Variants in FBXW8 observed in about 807,000 individuals in gnomAD.
FBXW8 encodes F-box and WD repeat domain containing 8.
A neutral mutation model predicts 65.3 loss-of-function variants in FBXW8; 57 were observed. That is an observed-to-expected ratio of 0.87 (90% CI 0.71 to 1.09). FBXW8 has a LOEUF of 1.09. FBXW8 is among the 50% of genes least tolerant of loss of function. The pLI, the probability that FBXW8 is intolerant of heterozygous loss-of-function variation, is 0.00. For synonymous variants in FBXW8, 308 were observed against 330.2 expected, an observed-to-expected ratio of 0.93 and a Z score of 0.73; for missense variants, 777 against 814.8, an observed-to-expected ratio of 0.95 and a Z score of 0.57.
At chr12:116,992,279 G>A (rs1953260135) in intron 7 of FBXW8, among the ~76,000 whole-genome samples, 1 of 152,102 alleles carries the variant, frequency 6.6e-6, no homozygotes, top group South Asian at 2.1e-4. Context: ...TTTGCTTGTT[G>A]GGCAGGGGCT....
chr12:116,922,234 TC>T (rs1471279336), intron 1 of FBXW8, among the ~76,000 whole-genome samples: 1 of 152,102 alleles, frequency 6.6e-6, no homozygotes, highest in Non-Finnish European at 1.5e-5. Flanking sequence ...CAGACCTTTT[TC>T]CCCCAGCCAA....
intron 7 of FBXW8, among the ~76,000 whole-genome samples, chr12:117,006,036 C>T (rs1156855903): frequency 1.3e-5 from 2 of 152,160 alleles, no homozygotes; most frequent in South Asian, 2.1e-4. Context: ...TTTTAAAATG[C>T]TATTGTCTTG....
intron 5 of FBXW8, among the ~76,000 whole-genome samples, chr12:116,965,970 C>G (rs1278016980): frequency 6.8e-6 from 1 of 147,676 alleles, no homozygotes; most frequent in Non-Finnish European, 1.5e-5. Flanking sequence ...GCCGTGTTGT[C>G]CAGACTGGTC....
At chr12:116,925,619 G>C (rs1881267767) in intron 1 of FBXW8, among the ~76,000 whole-genome samples, 1 of 152,090 alleles carries the variant, frequency 6.6e-6, no homozygotes, top group South Asian at 2.1e-4. Context: ...TTGGAGTTTA[G>C]ATCATAATTC....
intron 8 of FBXW8, among the ~76,000 whole-genome samples, chr12:117,020,519 A>G (rs1954069698): frequency 6.6e-6 from 1 of 152,032 alleles, no homozygotes. Flanking sequence ...CCCCATTCGC[A>G]GTTTTCATAT....
intron 1 of FBXW8, among the ~76,000 whole-genome samples, chr12:116,924,553 T>G (rs1881176203): frequency 6.6e-6 from 1 of 152,202 alleles, no homozygotes. Flanking sequence ...TTATATCCAT[T>G]AACCAACCTC....
At chr12:116,995,173 A>G (rs1220087423) in intron 7 of FBXW8, among the ~76,000 whole-genome samples, 2 of 152,202 alleles carry the variant, frequency 1.3e-5, no homozygotes, top group African/African-American at 4.8e-5. Flanking sequence ...TGACAGCCCT[A>G]TCCGGCCAGT....
In FBXW8 at chr12:116,936,664, C is replaced by T. The variant is rs1042336084; in HGVS notation, c.423+8537C>T. On this transcript the variant is annotated intron_variant, in intron 2 of 10. Transcript: ENST00000652555. This position sits in a 1 kb window ranked among gnomAD's most constrained non-coding sequence, Gnocchi z 4.6. Reference sequence around the variant, plus strand: ...TCCGGAAGGAATGCAGCCCTGCCCACACCTTGCTTTTACACTTCTGGTCTC... The same window carrying T: ...TCCGGAAGGAATGCAGCCCTGCCCATACCTTGCTTTTACACTTCTGGTCTC... Among the ~76,000 whole-genome samples, 1 of 152,162 alleles carries T rather than the reference C, an allele frequency of 6.6e-6. No homozygotes were observed. The highest frequency in any genetic ancestry group is 1.5e-5 in the Non-Finnish European group (1 of 68,038).
intron 2 of FBXW8, among the ~76,000 whole-genome samples, chr12:116,941,123 C>G (rs1302089581): frequency 1.3e-5 from 2 of 152,230 alleles, no homozygotes; most frequent in African/African-American, 2.4e-5. Flanking sequence ...GAAGCCCTTT[C>G]TAACATTCAG....
intron 8 of FBXW8, among the ~76,000 whole-genome samples, chr12:117,021,888 G>A (rs796383564): frequency 3.9e-5 from 6 of 152,202 alleles, no homozygotes; most frequent in African/African-American, 1.2e-4. Flanking sequence ...CGTTGCTTTC[G>A]GCTTCCATGG....
At chr12:116,954,119 A>G (rs1386134118) in intron 4 of FBXW8, among the ~76,000 whole-genome samples, 16 of 151,818 alleles carry the variant, frequency 1.1e-4, no homozygotes, top group Non-Finnish European at 1.5e-4. Context: ...CTCAAAAAAA[A>G]AAAAAAAAAA....
chr12:116,955,044 G>GC (rs1415202984), intron 4 of FBXW8, among the ~76,000 whole-genome samples: 1 of 151,308 alleles, frequency 6.6e-6, no homozygotes, highest in Non-Finnish European at 1.5e-5. Flanking sequence ...AATGGGGGGG[G>GC]GGGGCCCTGT....
rs79584871 is a variant in FBXW8 at position 117,027,572 on chromosome 12, C to A, written c.1652+68C>A. 1,820 of 1,203,626 alleles carry A rather than the reference C, an allele frequency of 1.5e-3. 19 individuals carry two copies. The African/African-American group carries it at 0.023, about 15-fold the overall frequency. 74.6% of individuals were successfully genotyped at this position (1,203,626 alleles called of 1,614,324 possible). ...ACTGATGTATAGAACCCCACCCCCC[C>A]CGCCGTGACACATTGCACCCTATGG... On this transcript the variant is annotated intron_variant, in intron 10 of 10. Coordinates refer to ENST00000652555, the MANE Select transcript of FBXW8 (RefSeq NM_153348.3).
intron 5 of FBXW8, among the ~76,000 whole-genome samples, chr12:116,969,574 T>C (rs1014779343): frequency 6.6e-6 from 1 of 152,186 alleles, no homozygotes; most frequent in Non-Finnish European, 1.5e-5. Context: ...AATTTTACCT[T>C]GTGGGTTCTG....
intron 7 of FBXW8, among the ~76,000 whole-genome samples, chr12:116,999,448 TG>T (rs1318160727): frequency 1.3e-5 from 2 of 152,210 alleles, no homozygotes; most frequent in Non-Finnish European, 2.9e-5. Context: ...GCTGTTTGCT[TG>T]GGTTTGAACT....
intron 7 of FBXW8, among the ~76,000 whole-genome samples, chr12:117,005,632 G>A (rs1011325421): frequency 2.0e-5 from 3 of 152,230 alleles, no homozygotes; most frequent in Non-Finnish European, 4.4e-5. Flanking sequence ...GAAACACCAC[G>A]TGATGCGTGC....
chr12:117,020,306 C>G (rs139432460), intron 8 of FBXW8, among the ~76,000 whole-genome samples: 1 of 152,088 alleles, frequency 6.6e-6, no homozygotes, highest in Non-Finnish European at 1.5e-5. Flanking sequence ...CTTTTAGGAC[C>G]TCTTGGTCTT....
intron 8 of FBXW8, among the ~76,000 whole-genome samples, chr12:117,011,803 C>T (rs1953825507): frequency 6.6e-6 from 1 of 152,062 alleles, no homozygotes; most frequent in Admixed American, 6.6e-5. Flanking sequence ...GTTAGGCTCA[C>T]CGGAAACCAG....
At chr12:116,912,595 G>A (rs1222951218) in intron 1 of FBXW8, among the ~76,000 whole-genome samples, 1 of 151,856 alleles carries the variant, frequency 6.6e-6, no homozygotes, top group Non-Finnish European at 1.5e-5. Flanking sequence ...CAGTAGCTGG[G>A]ACTAACAGGC....
Sources: allele counts gnomAD v4.1 joint callset (sites outside exome capture counted in the v4.1 genomes callset), GRCh38; gene constraint gnomAD v4.1.1; non-coding constraint Gnocchi (gnomAD v3.1); transcripts MANE v1.5; gene names NCBI Gene and HGNC (gene_info 2026-07-23, HGNC 2026-07-21).